The following NBAS variants were observed in gnomAD, a reference collection of about 807,000 sequenced individuals.
NBAS encodes NAG/BC035112 fusion.
NBAS carries 219 observed loss-of-function variants against 302.5 expected under a neutral mutation model. The observed-to-expected ratio is 0.72, with a 90% CI of 0.65 to 0.81. NBAS has a LOEUF of 0.81. Among genes scored for constraint, NBAS ranks in the 30% least tolerant of loss-of-function variants. The pLI is 0.00. For synonymous variants in NBAS, 1,118 were observed against 1,021.6 expected (o/e 1.09, Z -1.80); for missense variants, 2,932 against 2,841.6 (o/e 1.03, Z -0.72).
chr2:15,470,853 T>C (rs1679928252), intron 16 of NBAS, among the ~76,000 whole-genome samples: 1 of 152,030 alleles, frequency 6.6e-6, no homozygotes, highest in Admixed American at 6.6e-5. Flanking sequence ...CCAAGCTACT[T>C]GGGAGGCTGA....
the NBAS span, among the ~76,000 whole-genome samples, chr2:15,160,599 G>GT: frequency 7.6e-6 from 1 of 132,000 alleles, no homozygotes; most frequent in African/African-American, 2.8e-5. Flanking sequence ...GGGAGGGGGG[G>GT]GGGCAGGAGG....
the NBAS span, among the ~76,000 whole-genome samples, chr2:14,836,340 C>T: frequency 6.6e-6 from 1 of 151,302 alleles, no homozygotes; most frequent in East Asian, 1.9e-4. Context: ...CTTTTTGTGT[C>T]TAGGTTTTTT....
chr2:15,217,989 T>C (rs1157453025), intron 48 of NBAS, among the ~76,000 whole-genome samples: 1 of 152,216 alleles, frequency 6.6e-6, no homozygotes, highest in East Asian at 1.9e-4. Context: ...GAAGATGGAC[T>C]GAGTGAGCCT....
rs115366605 is a variant in NBAS at position 15,546,044 on chromosome 2, C to T, written c.379+5449G>A. ...GAGACCTATGTCCTAACACCTAAGACGCTATTCAGTAGAAATGATCAAAAA... is the reference window on the plus strand; with the variant it reads ...GAGACCTATGTCCTAACACCTAAGATGCTATTCAGTAGAAATGATCAAAAA... On this transcript the variant is annotated intron_variant, in intron 6 of 51. Coordinates refer to ENST00000281513, the MANE Select transcript of NBAS (RefSeq NM_015909.4). Among the ~76,000 whole-genome samples the T allele has an allele frequency of 5.1e-3, 782 of 152,214 alleles. 7 individuals carry two copies. Among genetic ancestry groups the T allele is most frequent in the African/African-American group, 0.018 (749 of 41,544 alleles).
chr2:14,912,212 C>G, the NBAS span, among the ~76,000 whole-genome samples: 2 of 152,188 alleles, frequency 1.3e-5, no homozygotes, highest in Non-Finnish European at 2.9e-5. Context: ...TATATGCAGT[C>G]TGTCATTGAC....
chr2:15,104,779 A>G, the NBAS span, among the ~76,000 whole-genome samples: 1 of 152,176 alleles, frequency 6.6e-6, no homozygotes, highest in Non-Finnish European at 1.5e-5. Context: ...TGTGGTTTAT[A>G]TTTGCATTTC....
the NBAS span, among the ~76,000 whole-genome samples, chr2:15,161,733 A>G: frequency 1.3e-5 from 2 of 152,152 alleles, no homozygotes; most frequent in African/African-American, 4.8e-5. Context: ...CTCAGGCATT[A>G]GGAGATCCAC....
At position 15,327,759 on chromosome 2, in the gene NBAS, T is replaced by C; in HGVS notation, c.4573A>G (p.Thr1525Ala). The change falls in exon 38 of 52, where the codon ACA becomes GCA. Residue 1525 changes from threonine to alanine, a missense_variant. Physicochemically the swap from Thr to Ala is moderately conservative, Grantham distance 58. Transcript: ENST00000281513. The stretch of plus-strand genomic sequence containing the variant: ...GAACCTTCTCTCTTACCTTCAGTTG[T>C]TGGAAATACTTCTCCTTTATTTTTA... ...EAKNKGEVFP[T>A]TEVLLQLASE... 6.2e-7 allele frequency: 1 copy of C among 1,613,676 alleles called. No homozygotes were observed. The highest frequency in any genetic ancestry group is 8.5e-7 in the Non-Finnish European group (1 of 1,179,666).
the NBAS span, among the ~76,000 whole-genome samples, chr2:15,128,319 G>A: frequency 6.6e-6 from 1 of 152,160 alleles, no homozygotes; most frequent in South Asian, 2.1e-4. Flanking sequence ...ACCTACTGGG[G>A]CTGTTACATG....
At chr2:15,015,474 T>C in the NBAS span, among the ~76,000 whole-genome samples, 84 of 152,312 alleles carry the variant, frequency 5.5e-4, no homozygotes, top group African/African-American at 1.9e-3. Context: ...CATGCAAAGA[T>C]GGTTCAACAT....
intron 44 of NBAS, among the ~76,000 whole-genome samples, chr2:15,239,768 G>A (rs1048309554): frequency 4.6e-5 from 7 of 151,598 alleles, no homozygotes; most frequent in African/African-American, 1.5e-4. Flanking sequence ...TCTTTCCAAA[G>A]ATTCGAAACA....
chr2:15,007,097 C>T, the NBAS span, among the ~76,000 whole-genome samples: 1 of 152,156 alleles, frequency 6.6e-6, no homozygotes, highest in Admixed American at 6.5e-5. Context: ...GGACACAGGA[C>T]CATATATCAT....
At chr2:15,151,692 T>C in the NBAS span, among the ~76,000 whole-genome samples, 3 of 152,186 alleles carry the variant, frequency 2.0e-5, no homozygotes, top group Non-Finnish European at 2.9e-5. Flanking sequence ...CTAAAATAAG[T>C]AGATTCTTCT....
At chr2:15,047,874 G>A in the NBAS span, among the ~76,000 whole-genome samples, 1 of 152,222 alleles carries the variant, frequency 6.6e-6, no homozygotes, top group South Asian at 2.1e-4. Context: ...CTCTGCCTTG[G>A]GTTCCTCAAC....
chr2:15,169,534 A>C (rs765982828), intron 51 of NBAS, among the ~76,000 whole-genome samples: 1 of 152,184 alleles, frequency 6.6e-6, no homozygotes, highest in Admixed American at 6.5e-5. Context: ...GTCTTCAGAC[A>C]TCCCTTCAAG....
intron 23 of NBAS, among the ~76,000 whole-genome samples, chr2:15,422,099 C>G (rs1677240845): frequency 6.6e-6 from 1 of 152,190 alleles, no homozygotes; most frequent in Admixed American, 6.5e-5. Flanking sequence ...TTTCACTGCC[C>G]TCAAACTCCT....
intron 32 of NBAS, among the ~76,000 whole-genome samples, chr2:15,361,153 T>C (rs1673901314): frequency 6.6e-6 from 1 of 152,162 alleles, no homozygotes; most frequent in Non-Finnish European, 1.5e-5. Flanking sequence ...CCATTGCATA[T>C]GAGATCGTTG....
the NBAS span, among the ~76,000 whole-genome samples, chr2:14,880,986 C>A: frequency 1.3e-5 from 2 of 150,948 alleles, no homozygotes; most frequent in South Asian, 4.2e-4. Flanking sequence ...TGGCATCAGA[C>A]TTCTCAATAA....
At chr2:15,055,541 G>A in the NBAS span, among the ~76,000 whole-genome samples, 1 of 152,132 alleles carries the variant, frequency 6.6e-6, no homozygotes, top group African/African-American at 2.4e-5. Context: ...TCCATATGAG[G>A]GGTATAGGAG....
Sources: allele counts gnomAD v4.1 joint callset (sites outside exome capture counted in the v4.1 genomes callset), GRCh38; gene constraint gnomAD v4.1.1; transcripts MANE v1.5; gene names NCBI Gene and HGNC (gene_info 2026-07-23, HGNC 2026-07-21).